Variants in PLPPR1 observed in about 807,000 individuals in gnomAD.
PLPPR1 encodes the protein phospholipid phosphatase-related protein type 1.
PLPPR1 carries 10 observed loss-of-function variants against 33.1 expected under a neutral mutation model. That is an observed-to-expected ratio of 0.30 (90% CI 0.19 to 0.51). The LOEUF is 0.51. Among genes scored for constraint, PLPPR1 ranks in the 20% least tolerant of loss-of-function variants. The pLI, the probability that PLPPR1 is intolerant of heterozygous loss-of-function variation, is 0.97. For missense variants in PLPPR1, 304 were observed against 408.1 expected (o/e 0.74, Z 2.20); for synonymous variants, 151 against 151.0 (o/e 1.00, Z 0.00).
chr9:101,042,694 C>T (rs1830090342), intron 1 of PLPPR1, among the ~76,000 whole-genome samples: 1 of 152,266 alleles, frequency 6.6e-6, no homozygotes, highest in South Asian at 2.1e-4. Flanking sequence ...AGTGATTATA[C>T]TTTTGACCAA....
chr9:101,243,549 T>A (rs888859082), intron 2 of PLPPR1, among the ~76,000 whole-genome samples: 7 of 152,024 alleles, frequency 4.6e-5, no homozygotes, highest in African/African-American at 1.7e-4. Flanking sequence ...CTTGAGTAAC[T>A]GTATAGATAG....
intron 2 of PLPPR1, among the ~76,000 whole-genome samples, chr9:101,263,006 G>C (rs10116046): frequency 1.3e-5 from 2 of 151,890 alleles, no homozygotes; most frequent in Non-Finnish European, 1.5e-5. Flanking sequence ...GCCTGTCAGT[G>C]GGTAGGGGCC....
chr9:101,044,022 T>C (rs573304346), intron 1 of PLPPR1, among the ~76,000 whole-genome samples: 1 of 152,242 alleles, frequency 6.6e-6, no homozygotes, highest in Admixed American at 6.5e-5. Context: ...TGAGACTTAA[T>C]TAAACTAAAG....
chr9:101,055,270 C>T (rs1359693890), intron 1 of PLPPR1, among the ~76,000 whole-genome samples: 1 of 152,196 alleles, frequency 6.6e-6, no homozygotes, highest in Non-Finnish European at 1.5e-5. Flanking sequence ...AGTCTTTCCT[C>T]TCCTATGCTA....
At chr9:101,155,304 G>A (rs1831664972) in intron 1 of PLPPR1, among the ~76,000 whole-genome samples, 1 of 152,138 alleles carries the variant, frequency 6.6e-6, no homozygotes, top group Non-Finnish European at 1.5e-5. Context: ...CAGAGAGTGG[G>A]TAATTTATAA....
chr9:101,187,276 G>T (rs1279357202), intron 2 of PLPPR1: 1 of 151,880 alleles, frequency 6.6e-6, no homozygotes, highest in Non-Finnish European at 1.5e-5. Context: ...CAAGGAGGAA[G>T]CAACCCTCAA....
chr9:101,130,528 G>A (rs1476306551), intron 1 of PLPPR1, among the ~76,000 whole-genome samples: 2 of 152,194 alleles, frequency 1.3e-5, no homozygotes, highest in African/African-American at 4.8e-5. Context: ...TTAGATACAT[G>A]TTATTACATA....
chr9:101,252,257 T>C (rs1827725627), intron 2 of PLPPR1, among the ~76,000 whole-genome samples: 2 of 152,168 alleles, frequency 1.3e-5, no homozygotes, highest in African/African-American at 4.8e-5. Context: ...TGCACAGGTA[T>C]AGAACATTTC....
chr9:101,122,778 A>G (rs1831193376), intron 1 of PLPPR1, among the ~76,000 whole-genome samples: 1 of 152,186 alleles, frequency 6.6e-6, no homozygotes, highest in Admixed American at 6.5e-5. Context: ...TTTGTATACT[A>G]CTGTACTTCC....
At chr9:101,101,494 C>A in intron 1 of PLPPR1, among the ~76,000 whole-genome samples, 1 of 150,554 alleles carries the variant, frequency 6.6e-6, no homozygotes, top group African/African-American at 2.5e-5. Context: ...TCTTGAAGAC[C>A]TGAGGATAAT....
chr9:101,120,606 TTTATC>T (rs1347809310), intron 1 of PLPPR1, among the ~76,000 whole-genome samples: 1 of 152,232 alleles, frequency 6.6e-6, no homozygotes, highest in Non-Finnish European at 1.5e-5. Context: ...ATCTCCTTCT[TTTATC>T]TTAAGATATT....
Position 101,309,234 on chromosome 9 carries a change from G to A in PLPPR1, c.409G>A (p.Ala137Thr), listed in dbSNP as rs777674634. 1.1e-5 allele frequency: 17 copies of A among 1,614,044 alleles called. No individual in the cohort carries two copies. The highest frequency in any genetic ancestry group is 1.4e-5 in the Non-Finnish European group (16 of 1,179,994). The change falls in exon 5 of 8, where the codon GCT becomes ACT. Residue 137 changes from alanine (A) to threonine (T), a missense_variant. Physicochemically the swap from Ala to Thr is moderately conservative, Grantham distance 58. Transcript: ENST00000374874. Reference sequence around the variant, plus strand: ...AGGGGTGTTTGCATTTGGACTTTTTGCTACTGACATTTTTGTAAACGCCGG... The same window carrying A: ...AGGGGTGTTTGCATTTGGACTTTTTACTACTGACATTTTTGTAAACGCCGG... ...FTGVFAFGLF[A>T]TDIFVNAGQV... is the part of the protein sequence containing the mutation.
chr9:101,210,406 C>G (rs973917831), intron 2 of PLPPR1, among the ~76,000 whole-genome samples: 5 of 152,274 alleles, frequency 3.3e-5, no homozygotes, highest in Middle Eastern at 3.4e-3. Context: ...AGTGGTTAAA[C>G]AACAGACTGG....
intron 1 of PLPPR1, among the ~76,000 whole-genome samples, chr9:101,157,953 A>T (rs1831718107): frequency 1.3e-5 from 2 of 152,142 alleles, no homozygotes; most frequent in African/African-American, 4.8e-5. Flanking sequence ...GCAGTGAGCC[A>T]AGATTGCACC....
intron 2 of PLPPR1, among the ~76,000 whole-genome samples, chr9:101,218,825 T>TA (rs1214109922): frequency 6.6e-6 from 1 of 152,128 alleles, no homozygotes; most frequent in East Asian, 1.9e-4. Context: ...AAGACTATTA[T>TA]AAAGATTTCA....
chr9:101,165,318 G>C (rs753632694), intron 1 of PLPPR1, among the ~76,000 whole-genome samples: 1 of 152,188 alleles, frequency 6.6e-6, no homozygotes, highest in Non-Finnish European at 1.5e-5. Flanking sequence ...GAGATGGTAA[G>C]TGTTGCATGG....
intron 1 of PLPPR1, among the ~76,000 whole-genome samples, chr9:101,141,360 G>C (rs1831449211): frequency 6.6e-6 from 1 of 152,144 alleles, no homozygotes. Context: ...CCAGTCACTG[G>C]GGTAAGCATT....
intron 1 of PLPPR1, among the ~76,000 whole-genome samples, chr9:101,031,450 AG>A (rs1481487367): frequency 6.6e-6 from 1 of 152,242 alleles, no homozygotes; most frequent in Non-Finnish European, 1.5e-5. Flanking sequence ...AATAGAAAGC[AG>A]GATGGTTCTG....
At chr9:101,275,585 C>G (rs981057421) in intron 3 of PLPPR1, among the ~76,000 whole-genome samples, 23 of 152,096 alleles carry the variant, frequency 1.5e-4, no homozygotes, top group Admixed American at 1.3e-4. Flanking sequence ...ACCTGGAAAC[C>G]CTGGCTAACT....
Sources: allele counts gnomAD v4.1 joint callset (sites outside exome capture counted in the v4.1 genomes callset), GRCh38; gene constraint gnomAD v4.1.1; transcripts MANE v1.5; gene names NCBI Gene and HGNC (gene_info 2026-07-23, HGNC 2026-07-21).